Variants in PARD3B observed in about 807,000 individuals in gnomAD.
PARD3B encodes the protein partitioning defective 3 homolog B.
Under a neutral mutation model 130.2 loss-of-function variants are expected in PARD3B, and 103 were observed. The observed-to-expected ratio is 0.79, with a 90% CI of 0.67 to 0.93. PARD3B has a LOEUF of 0.93. PARD3B is among the 40% of genes least tolerant of loss of function. The pLI, the probability that PARD3B is intolerant of heterozygous loss-of-function variation, is 0.00. For missense variants in PARD3B, 1,609 were observed against 1,499.2 expected (o/e 1.07, Z -1.21); for synonymous variants, 583 against 553.2 (o/e 1.05, Z -0.76).
chr2:205,068,078 T>A (rs559787940), intron 4 of PARD3B, among the ~76,000 whole-genome samples: 1 of 152,312 alleles, frequency 6.6e-6, no homozygotes, highest in South Asian at 2.1e-4. Flanking sequence ...TCTCCCATTA[T>A]CTGAAGCAAT....
Position 205,351,536 on chromosome 2 carries a change from C to T in PARD3B, c.2631-49477C>T, listed in dbSNP as rs1050348795. ...GAGTGAGAGGCGAGGAAGAAAGCCA[C>T]AGCCAAGACTTGGGAGATTTCAGGA... On this transcript the variant is annotated intron_variant, in intron 18 of 22. Transcript: ENST00000406610. This position sits in a 1 kb window ranked among gnomAD's most constrained non-coding sequence, Gnocchi z 4.2. 3.3e-5 allele frequency among the ~76,000 whole-genome samples: 5 copies of T among 152,134 alleles called. No homozygotes were observed. The highest frequency in any genetic ancestry group is 7.3e-5 in the Non-Finnish European group (5 of 68,030).
chr2:204,911,859 TTAAATA>T (rs539239182), intron 2 of PARD3B, among the ~76,000 whole-genome samples: 124 of 152,310 alleles, frequency 8.1e-4, no homozygotes, highest in African/African-American at 2.8e-3. Flanking sequence ...GTTGTATACT[TTAAATA>T]TATACAACTT....
At chr2:205,034,877 G>A (rs1697691740) in intron 3 of PARD3B, among the ~76,000 whole-genome samples, 1 of 151,940 alleles carries the variant, frequency 6.6e-6, no homozygotes, top group South Asian at 2.1e-4. Context: ...TGTTTATTGA[G>A]ATGAAATCTT....
chr2:205,344,805 G>A (rs1272311033), intron 18 of PARD3B, among the ~76,000 whole-genome samples: 2 of 152,124 alleles, frequency 1.3e-5, no homozygotes, highest in East Asian at 3.9e-4. Context: ...AATTGCGTGG[G>A]TATAGCGGGG....
chr2:205,009,268 A>G (rs921800690), intron 3 of PARD3B, among the ~76,000 whole-genome samples: 1 of 152,234 alleles, frequency 6.6e-6, no homozygotes, highest in African/African-American at 2.4e-5. Flanking sequence ...AAATTCCAAG[A>G]TATTTTCTAG....
At position 205,204,568 on chromosome 2, in the gene PARD3B, T is replaced by C. The variant is rs151041833; in HGVS notation, c.2140+11248T>C. On this transcript the variant is annotated intron_variant, in intron 15 of 22. Transcript: ENST00000406610. The stretch of plus-strand genomic sequence containing the variant: ...GTATTGCCTAGGTGTTCTTCTAGGG[T>C]TTTTATGGTTTTAGGCATTATTTTT... Among the ~76,000 whole-genome samples the C allele has an allele frequency of 1.5e-4, 23 of 152,242 alleles. 1 individual carries two copies. In the East Asian group the frequency reaches 4.1e-3, roughly 27 times the overall value.
intron 15 of PARD3B, among the ~76,000 whole-genome samples, chr2:205,245,413 G>A (rs2039528802): frequency 6.6e-6 from 1 of 152,052 alleles, no homozygotes; most frequent in Non-Finnish European, 1.5e-5. Flanking sequence ...ACACACACAC[G>A]TATTGCTGTT....
intron 3 of PARD3B, among the ~76,000 whole-genome samples, chr2:204,993,990 C>T (rs1425231843): frequency 1.3e-5 from 2 of 151,546 alleles, no homozygotes; most frequent in East Asian, 3.9e-4. Flanking sequence ...ATTAGTCTTG[C>T]TAGCGGTCTA....
At chr2:204,946,657 C>G (rs1356951279) in intron 2 of PARD3B, among the ~76,000 whole-genome samples, 1 of 152,174 alleles carries the variant, frequency 6.6e-6, no homozygotes, top group East Asian at 1.9e-4. Flanking sequence ...AACTGAACCA[C>G]TAGGCTTGTG....
chr2:205,108,334 A>G (rs1703371938), intron 5 of PARD3B, among the ~76,000 whole-genome samples: 2 of 152,162 alleles, frequency 1.3e-5, no homozygotes, highest in Admixed American at 1.3e-4. Flanking sequence ...TAGAACCTGT[A>G]GTGACTTCAT....
intron 3 of PARD3B, among the ~76,000 whole-genome samples, chr2:204,972,367 A>C (rs1691786947): frequency 6.6e-6 from 1 of 152,202 alleles, no homozygotes; most frequent in Admixed American, 6.5e-5. Context: ...AAAATTATAT[A>C]GTGTTACACT....
At chr2:204,715,589 A>G (rs1043784925) in intron 2 of PARD3B, among the ~76,000 whole-genome samples, 21 of 151,952 alleles carry the variant, frequency 1.4e-4, no homozygotes, top group African/African-American at 4.4e-4. Context: ...TTTGTGACCA[A>G]ACTTATGTGT....
intron 2 of PARD3B, among the ~76,000 whole-genome samples, chr2:204,796,162 A>G (rs1203738858): frequency 6.6e-6 from 1 of 152,230 alleles, no homozygotes; most frequent in Non-Finnish European, 1.5e-5. Flanking sequence ...TGGTTGTCTT[A>G]TAATCCCAAT....
intron 18 of PARD3B, among the ~76,000 whole-genome samples, chr2:205,377,360 G>C (rs940606235): frequency 6.6e-6 from 1 of 152,190 alleles, no homozygotes; most frequent in Non-Finnish European, 1.5e-5. Context: ...CAAAGTTTGA[G>C]TGGGCCTTGA....
chr2:204,889,064 T>C (rs2046361271), intron 2 of PARD3B, among the ~76,000 whole-genome samples: 1 of 152,186 alleles, frequency 6.6e-6, no homozygotes, highest in Non-Finnish European at 1.5e-5. Flanking sequence ...CTCAATGCCT[T>C]ATGCTTCTGG....
chr2:204,950,678 C>T (rs983501337), intron 2 of PARD3B, among the ~76,000 whole-genome samples: 2 of 152,296 alleles, frequency 1.3e-5, no homozygotes, highest in African/African-American at 4.8e-5. Context: ...TGAAACAAGA[C>T]ATCTCTGCAT....
At chr2:204,891,067 A>G (rs1575226829) in intron 2 of PARD3B, among the ~76,000 whole-genome samples, 2 of 151,778 alleles carry the variant, frequency 1.3e-5, no homozygotes, top group Admixed American at 6.6e-5. Flanking sequence ...ATCAAACTGT[A>G]TTATATTCTC....
chr2:205,070,705 G>A (rs149096923), intron 4 of PARD3B, among the ~76,000 whole-genome samples: 1 of 152,002 alleles, frequency 6.6e-6, no homozygotes. Context: ...TGATTATTGG[G>A]TTAAGGTGGT....
intron 10 of PARD3B, among the ~76,000 whole-genome samples, chr2:205,144,435 T>C (rs1469477216): frequency 6.6e-6 from 1 of 152,178 alleles, no homozygotes; most frequent in African/African-American, 2.4e-5. Context: ...TTCCTTCACT[T>C]TTCCTTATGA....
Sources: gnomAD v4.1 joint callset for allele counts (sites outside exome capture counted in the v4.1 genomes callset) on GRCh38, gnomAD v4.1.1 for gene constraint, Gnocchi (gnomAD v3.1) non-coding constraint, MANE v1.5 for transcripts, NCBI Gene and HGNC (gene_info 2026-07-23, HGNC 2026-07-21) for gene names.